The following STON2 variants were observed in gnomAD, a reference collection of about 807,000 sequenced individuals.
The protein encoded by STON2 is stonin 2, also known as stonin-2.
Under a neutral mutation model 65.7 loss-of-function variants are expected in STON2, and 29 were observed. The observed-to-expected ratio is 0.44, with a 90% CI of 0.33 to 0.60. STON2 has a LOEUF of 0.60. STON2 is among the 20% of genes least tolerant of loss of function. The pLI, the probability that STON2 is intolerant of heterozygous loss-of-function variation, is 0.03. For synonymous variants in STON2, 404 were observed against 414.2 expected (o/e 0.98, Z 0.30); for missense variants, 1,054 against 1,118.1 (o/e 0.94, Z 0.82).
intron 4 of STON2, among the ~76,000 whole-genome samples, chr14:81,340,468 C>T (rs1897563937): frequency 6.6e-6 from 1 of 152,194 alleles, no homozygotes; most frequent in South Asian, 2.1e-4. Context: ...CTCTATAGAT[C>T]TTAAATAGGG....
chr14:81,424,943 G>A (rs773726923), intron 2 of STON2, among the ~76,000 whole-genome samples: 6 of 152,170 alleles, frequency 3.9e-5, no homozygotes, highest in African/African-American at 7.2e-5. Context: ...AACCACAGTA[G>A]GGATTTAGAA....
chr14:81,274,574 T>C (rs938538333), intron 6 of STON2, among the ~76,000 whole-genome samples: 1 of 152,084 alleles, frequency 6.6e-6, no homozygotes, highest in African/African-American at 2.4e-5. Context: ...GTGCTACATG[T>C]TGTCTTGGTG....
chr14:81,278,063 C>A lies in STON2; in HGVS notation c.1419G>T (p.Pro473=), dbSNP rs746108682. The part of the protein sequence containing the change: ...PVAWIELDAH[P]PGSARSQPRD... ...GAGGCTGGGACCGTGCTGATCCAGG[C>A]GGGTGAGCATCTAGTTCAATCCAGG... Residue 473 remains proline (P), a synonymous_variant, in exon 6 of 8, where the codon CCG becomes CCT. Transcript: ENST00000614646. 1.3e-5 allele frequency: 21 copies of A among 1,613,984 alleles called. No individual in the cohort carries two copies. The highest frequency in any genetic ancestry group is 1.8e-5 in the Non-Finnish European group (21 of 1,180,042).
chr14:81,280,176 A>G (rs1895047990), intron 5 of STON2, among the ~76,000 whole-genome samples: 1 of 152,236 alleles, frequency 6.6e-6, no homozygotes, highest in South Asian at 2.1e-4. Flanking sequence ...ACTCCACTTT[A>G]GCAGGGCCTT....
At chr14:81,298,111 T>C (rs1366846569) in intron 5 of STON2, among the ~76,000 whole-genome samples, 10 of 152,112 alleles carry the variant, frequency 6.6e-5, no homozygotes. Context: ...AAACATTCCT[T>C]CTATCAGGAA....
intron 5 of STON2, among the ~76,000 whole-genome samples, chr14:81,300,085 T>C (rs998969437): frequency 4.0e-5 from 6 of 151,802 alleles, no homozygotes; most frequent in Non-Finnish European, 7.4e-5. Context: ...ATTAAGACAA[T>C]CTCATAGGAA....
At chr14:81,338,039 T>C (rs371053862) in intron 4 of STON2, among the ~76,000 whole-genome samples, 37 of 152,324 alleles carry the variant, frequency 2.4e-4, no homozygotes, top group East Asian at 9.7e-4. Context: ...CTCTTGTAGA[T>C]AGAGGTCATA....
chr14:81,345,784 T>C (rs747891250), intron 4 of STON2, among the ~76,000 whole-genome samples: 1 of 152,082 alleles, frequency 6.6e-6, no homozygotes, highest in Non-Finnish European at 1.5e-5. Context: ...TTCTGTTGTT[T>C]AAGCCACTTA....
intron 3 of STON2, among the ~76,000 whole-genome samples, chr14:81,393,666 A>T (rs993995724): frequency 2.0e-5 from 3 of 152,250 alleles, no homozygotes; most frequent in African/African-American, 7.2e-5. Context: ...TAAGGCACTG[A>T]GCACAGAAAC....
At chr14:81,269,083 G>A (rs770040918) in intron 7 of STON2, among the ~76,000 whole-genome samples, 2 of 152,048 alleles carry the variant, frequency 1.3e-5, no homozygotes, top group East Asian at 1.9e-4. Flanking sequence ...ACAGCTCACC[G>A]CAACCTCCAC....
intron 2 of STON2, among the ~76,000 whole-genome samples, chr14:81,417,018 A>G (rs979556073): frequency 1.3e-5 from 2 of 152,190 alleles, no homozygotes; most frequent in African/African-American, 4.8e-5. Context: ...TCCCAGGTAG[A>G]TGACGCAGAG....
chr14:81,363,396 T>C (rs770107742), intron 4 of STON2, among the ~76,000 whole-genome samples: 1 of 152,302 alleles, frequency 6.6e-6, no homozygotes, highest in Middle Eastern at 3.4e-3. Flanking sequence ...TCACATAGCT[T>C]ACTTTTCTTT....
chr14:81,376,369 C>T (rs563814427), intron 3 of STON2, among the ~76,000 whole-genome samples: 25 of 151,910 alleles, frequency 1.6e-4, no homozygotes, highest in African/African-American at 4.3e-4. Flanking sequence ...TACATAAATA[C>T]GGATAAAACT....
At chr14:81,375,330 CA>C (rs1164325445) in intron 3 of STON2, among the ~76,000 whole-genome samples, 3 of 151,358 alleles carry the variant, frequency 2.0e-5, no homozygotes, top group Non-Finnish European at 4.4e-5. Flanking sequence ...ATGGTATGCA[CA>C]AAAAATATAT....
At chr14:81,357,416 A>G (rs1448663720) in intron 4 of STON2, among the ~76,000 whole-genome samples, 3 of 151,938 alleles carry the variant, frequency 2.0e-5, no homozygotes, top group African/African-American at 7.3e-5. Flanking sequence ...GCTGGAGAGG[A>G]TGTGGAGAAA....
intron 4 of STON2, among the ~76,000 whole-genome samples, chr14:81,357,007 A>C (rs1426201585): frequency 6.6e-6 from 1 of 152,184 alleles, no homozygotes; most frequent in Non-Finnish European, 1.5e-5. Context: ...CTTCATGTCT[A>C]AAACACCAAA....
At chr14:81,295,492 G>A (rs557129722) in intron 5 of STON2, among the ~76,000 whole-genome samples, 2 of 152,140 alleles carry the variant, frequency 1.3e-5, no homozygotes, top group East Asian at 1.9e-4. Context: ...CTTTTTCAAC[G>A]ATCTCCTAAA....
intron 4 of STON2, among the ~76,000 whole-genome samples, chr14:81,351,274 T>G (rs1274006107): frequency 6.7e-6 from 1 of 149,424 alleles, no homozygotes; most frequent in African/African-American, 2.5e-5. Flanking sequence ...ATTGGACACC[T>G]CCCTAATTCC....
At chr14:81,296,748 C>A (rs1280234809) in intron 5 of STON2, among the ~76,000 whole-genome samples, 1 of 152,130 alleles carries the variant, frequency 6.6e-6, no homozygotes, top group Non-Finnish European at 1.5e-5. Flanking sequence ...TACTGTATAG[C>A]ATAGGAATTT....
Sources: allele counts gnomAD v4.1 joint callset (sites outside exome capture counted in the v4.1 genomes callset), GRCh38; gene constraint gnomAD v4.1.1; transcripts MANE v1.5; gene names NCBI Gene and HGNC (gene_info 2026-07-23, HGNC 2026-07-21).